DOCK7: variants seen among roughly 807,000 people sequenced by gnomAD.
DOCK7 encodes dedicator of cytokinesis protein 7.
DOCK7 carries 138 observed loss-of-function variants against 271.0 expected under a neutral mutation model. The ratio of observed to expected loss-of-function variants is 0.51; its 90% CI spans 0.44 to 0.59. The LOEUF is 0.59. Among genes scored for constraint, DOCK7 ranks in the 20% least tolerant of loss-of-function variants. DOCK7 has a pLI of 0.00. For synonymous variants in DOCK7, 823 were observed against 876.1 expected, an observed-to-expected ratio of 0.94 and a Z score of 1.07; for missense variants, 2,066 against 2,592.4, an observed-to-expected ratio of 0.80 and a Z score of 4.41.
chr1:62,669,653 T>A (rs994293904), intron 1 of DOCK7, among the ~76,000 whole-genome samples: 3 of 152,244 alleles, frequency 2.0e-5, no homozygotes, highest in African/African-American at 7.2e-5. Context: ...TGAAATCTGT[T>A]TACCTATCTC....
intron 31 of DOCK7, among the ~76,000 whole-genome samples, chr1:62,514,917 T>C (rs1013132744): frequency 5.3e-5 from 8 of 152,056 alleles, no homozygotes; most frequent in Admixed American, 1.3e-4. Flanking sequence ...GGCTGACAAA[T>C]ATACTAACTA....
chr1:62,625,107 C>A, intron 12 of DOCK7, 152 bp downstream of exon 12: 1 of 561,690 alleles, frequency 1.8e-6, no homozygotes, highest in Non-Finnish European at 2.9e-6. Flanking sequence ...GTTTCTCATT[C>A]TTATAGTTGC....
At chr1:62,551,473 G>C (rs1230184306) in intron 22 of DOCK7, among the ~76,000 whole-genome samples, 1 of 152,142 alleles carries the variant, frequency 6.6e-6, no homozygotes, top group African/African-American at 2.4e-5. Context: ...GGTTGAACAA[G>C]TGTGATATAA....
At chr1:62,527,560 T>TGTAGGGACATGGAC (rs544646009) in intron 31 of DOCK7, among the ~76,000 whole-genome samples, 1 of 152,096 alleles carries the variant, frequency 6.6e-6, no homozygotes, top group African/African-American at 2.4e-5. Flanking sequence ...TCATGTCCTT[T>TGTAGGGACATGGAC]GTAGGGACAT....
chr1:62,633,444 C>T, intron 10 of DOCK7, 54 bp downstream of exon 10: 1 of 1,344,284 alleles, frequency 7.4e-7, no homozygotes, highest in Non-Finnish European at 1.1e-6. Context: ...GAATAGTATT[C>T]TCCCAAGTTA....
chr1:62,597,063 C>T (rs1649364608), intron 14 of DOCK7, among the ~76,000 whole-genome samples: 2 of 152,200 alleles, frequency 1.3e-5, no homozygotes, highest in East Asian at 1.9e-4. Flanking sequence ...CGTAACACCA[C>T]CTGAGGGAGT....
chr1:62,470,009 G>A (rs1421055734), intron 48 of DOCK7, among the ~76,000 whole-genome samples: 1 of 151,978 alleles, frequency 6.6e-6, no homozygotes, highest in Non-Finnish European at 1.5e-5. Context: ...ATGGAAAACA[G>A]TGTGGAGATT....
At chr1:62,650,634 C>T (rs1044118875) in intron 4 of DOCK7, among the ~76,000 whole-genome samples, 6 of 152,012 alleles carry the variant, frequency 3.9e-5, no homozygotes, top group Non-Finnish European at 8.8e-5. Flanking sequence ...AGTGGGCAAA[C>T]GATATGAACA....
chr1:62,485,827 C>G (rs959360056), intron 43 of DOCK7: 5 of 473,314 alleles, frequency 1.1e-5, no homozygotes, highest in Non-Finnish European at 1.4e-5. Context: ...AAAGGAAAAG[C>G]AAAAAACAAA....
chr1:62,491,340 G>C (rs1204528368), intron 41 of DOCK7, among the ~76,000 whole-genome samples: 2 of 152,222 alleles, frequency 1.3e-5, no homozygotes, highest in Non-Finnish European at 2.9e-5. Flanking sequence ...ATGAACCTCA[G>C]CGTGTCCTAA....
At chr1:62,598,183 G>A in intron 14 of DOCK7, 1 of 968,292 alleles carries the variant, frequency 1.0e-6, no homozygotes, top group Non-Finnish European at 1.4e-6. Flanking sequence ...TTTTTTCCAA[G>A]AAAAATAATC....
intron 18 of DOCK7, among the ~76,000 whole-genome samples, chr1:62,572,788 A>AT (rs986704058): frequency 4.6e-5 from 7 of 152,240 alleles, no homozygotes; most frequent in African/African-American, 9.6e-5. Flanking sequence ...TCAACATATG[A>AT]TTTTTTGGGG....
chr1:62,638,448 G>GTCTAC (rs1655548370), intron 7 of DOCK7: 1 of 150,970 alleles, frequency 6.6e-6, no homozygotes, highest in Non-Finnish European at 1.5e-5. Flanking sequence ...TCACATTTAT[G>GTCTAC]TCTACTCTCT....
At chr1:62,467,238 C>A (rs901265847) in intron 48 of DOCK7, among the ~76,000 whole-genome samples, 10 of 152,172 alleles carry the variant, frequency 6.6e-5, no homozygotes, top group African/African-American at 2.4e-4. Flanking sequence ...ACAGGTTTTA[C>A]AACAGGGCCA....
chr1:62,671,001 G>C (rs548975964), intron 1 of DOCK7, among the ~76,000 whole-genome samples: 3 of 151,688 alleles, frequency 2.0e-5, no homozygotes, highest in East Asian at 3.9e-4. Context: ...GCGAGACCAC[G>C]AGCCCACCGG....
chr1:62,687,241 C>CAT (rs1175651549), intron 1 of DOCK7, among the ~76,000 whole-genome samples: 1 of 152,234 alleles, frequency 6.6e-6, no homozygotes, highest in Admixed American at 6.5e-5. Context: ...TCTACTGTCT[C>CAT]ATACATAAGT....
chr1:62,602,455 G>A lies in DOCK7; in HGVS notation c.1683-15831C>T, dbSNP rs547612417. 7.1e-5 allele frequency: 94 copies of A among 1,327,544 alleles called. No homozygotes were observed. The East Asian group carries it at 2.1e-3, about 30-fold the overall frequency. 82.2% of individuals were successfully genotyped at this position (1,327,544 alleles called of 1,614,324 possible). A position where few individuals can be genotyped will look rare whatever the true frequency, so the allele number is the denominator to read the frequency against. On this transcript the variant is annotated intron_variant, in intron 14 of 49. Coordinates refer to ENST00000635253, the MANE Select transcript of DOCK7 (RefSeq NM_001367561.1). ...TTACTGAGAACCTCTTATGGACCAG[G>A]TATTAGGAAAAGTAGTAACGAACGA...
At chr1:62,659,099 G>A (rs1297710768) in intron 2 of DOCK7, among the ~76,000 whole-genome samples, 1 of 152,042 alleles carries the variant, frequency 6.6e-6, no homozygotes, top group Non-Finnish European at 1.5e-5. Flanking sequence ...AAAGGTATCT[G>A]GAAATATAAT....
At chr1:62,542,816 C>G in intron 24 of DOCK7, 113 bp from the exon 25 acceptor site, 1 of 909,224 alleles carries the variant, frequency 1.1e-6, no homozygotes, top group Non-Finnish European at 1.7e-6. Context: ...AAATAAGGCA[C>G]GTGAACCATT....
Sources: gnomAD v4.1 joint callset for allele counts (sites outside exome capture counted in the v4.1 genomes callset) on GRCh38, gnomAD v4.1.1 for gene constraint, MANE v1.5 for transcripts, NCBI Gene and HGNC (gene_info 2026-07-23, HGNC 2026-07-21) for gene names.